The following ADCY8 variants were observed in gnomAD, a reference collection of about 807,000 sequenced individuals.
The protein encoded by ADCY8 is adenylate cyclase 8, also known as adenylate cyclase type 8.
ADCY8 carries 51 observed loss-of-function variants against 119.7 expected under a neutral mutation model. The observed-to-expected ratio is 0.43, with a 90% CI of 0.34 to 0.54. The LOEUF (loss-of-function observed/expected upper bound fraction) is 0.54, where lower values mean the gene tolerates loss of function less well. ADCY8 is among the 20% of genes least tolerant of loss of function. ADCY8 has a pLI of 0.03. For synonymous variants in ADCY8, 665 were observed against 651.0 expected (o/e 1.02, Z -0.33); for missense variants, 1,383 against 1,598.8 (o/e 0.87, Z 2.30).
At chr8:130,871,667 C>A (rs930741311) in intron 8 of ADCY8, among the ~76,000 whole-genome samples, 1 of 152,136 alleles carries the variant, frequency 6.6e-6, no homozygotes, top group East Asian at 1.9e-4. Flanking sequence ...TTCCTCTGTA[C>A]AGTATTGTAC....
At chr8:130,812,276 C>A (rs1816192726) in intron 14 of ADCY8, among the ~76,000 whole-genome samples, 1 of 144,634 alleles carries the variant, frequency 6.9e-6, no homozygotes, top group Non-Finnish European at 1.5e-5. Context: ...TGGAGCTTGA[C>A]CATTAGGCTC....
At chr8:130,848,183 G>T (rs922326942) in intron 10 of ADCY8, among the ~76,000 whole-genome samples, 7 of 152,152 alleles carry the variant, frequency 4.6e-5, no homozygotes, top group African/African-American at 7.2e-5. Context: ...GTGGATCTGA[G>T]ATTTGAACAC....
intron 17 of ADCY8, 72 bp from the exon 18 acceptor site, chr8:130,780,949 G>A: frequency 1.3e-6 from 2 of 1,559,778 alleles, no homozygotes; most frequent in Non-Finnish European, 1.7e-6. Context: ...ACCCCTCCCT[G>A]GGACAGTGAT....
intron 2 of ADCY8, among the ~76,000 whole-genome samples, chr8:130,954,442 T>C (rs1308318292): frequency 6.6e-6 from 1 of 152,172 alleles, no homozygotes; most frequent in African/African-American, 2.4e-5. Context: ...TGACCATTCA[T>C]CAGTATGTTT....
chr8:130,969,459 C>A (rs1363302680), intron 2 of ADCY8, among the ~76,000 whole-genome samples: 2 of 152,134 alleles, frequency 1.3e-5, no homozygotes, highest in African/African-American at 4.8e-5. Context: ...CTCTGTGGAA[C>A]CCTGACTAAT....
intron 1 of ADCY8, among the ~76,000 whole-genome samples, chr8:131,036,337 C>T (rs865918969): frequency 2.8e-4 from 43 of 152,190 alleles, no homozygotes; most frequent in African/African-American, 9.1e-4. Context: ...AAGATGTTTA[C>T]GTGTAAGACT....
intron 7 of ADCY8, among the ~76,000 whole-genome samples, chr8:130,891,634 T>G (rs770014079): frequency 6.6e-6 from 1 of 152,134 alleles, no homozygotes; most frequent in African/African-American, 2.4e-5. Context: ...AGAATGCTTG[T>G]TATGTTTGAA....
chr8:130,962,004 T>C (rs1412753520), intron 2 of ADCY8, among the ~76,000 whole-genome samples: 1 of 152,164 alleles, frequency 6.6e-6, no homozygotes, highest in Non-Finnish European at 1.5e-5. Flanking sequence ...TTAAATAGTC[T>C]TTAAGTGCCA....
Position 130,832,715 on chromosome 8 carries a change from T to A in ADCY8, c.2675+3562A>T, listed in dbSNP as rs540965157. ...CCTGGAGTTATATTTACTTTCATGA[T>A]CTTAGTTAATTTGATTACAAACTCT... On this transcript the variant is annotated intron_variant, in intron 12 of 17. Transcript: ENST00000286355. Among the ~76,000 whole-genome samples the A allele has an allele frequency of 7.2e-5, 11 of 152,308 alleles. No homozygotes were observed. In the East Asian group the frequency reaches 2.1e-3, roughly 29 times the overall value.
At chr8:131,013,641 T>G (rs991276193) in intron 1 of ADCY8, among the ~76,000 whole-genome samples, 10 of 152,130 alleles carry the variant, frequency 6.6e-5, no homozygotes, top group African/African-American at 2.2e-4. Context: ...CCTAAGGAAG[T>G]TTTTGGTGTG....
intron 2 of ADCY8, among the ~76,000 whole-genome samples, chr8:130,967,881 C>T (rs1248863082): frequency 2.0e-5 from 3 of 152,200 alleles, no homozygotes; most frequent in East Asian, 3.8e-4. Context: ...CAAGGCCACA[C>T]TTCACAGACA....
intron 5 of ADCY8, among the ~76,000 whole-genome samples, chr8:130,934,035 G>A (rs1820710286): frequency 6.6e-6 from 1 of 152,186 alleles, no homozygotes; most frequent in Non-Finnish European, 1.5e-5. Context: ...CAGGTGACAT[G>A]TTTATCACTG....
chr8:130,984,221 T>G (rs181708396), intron 2 of ADCY8, among the ~76,000 whole-genome samples: 403 of 151,784 alleles, frequency 2.7e-3, no homozygotes, highest in Non-Finnish European at 4.7e-3. Context: ...GGGCTCCCTG[T>G]GGGGAGGAGA....
At chr8:130,869,939 C>CTCT (rs757467612) in intron 8 of ADCY8, among the ~76,000 whole-genome samples, 26,633 of 145,026 alleles carry the variant, frequency 0.18, 2,529 homozygotes, top group Middle Eastern at 0.26. Flanking sequence ...CCTCCTCCTC[C>CTCT]TCTTCTTCTT....
chr8:130,855,722 C>T (rs1025461831), intron 9 of ADCY8, among the ~76,000 whole-genome samples: 5 of 152,114 alleles, frequency 3.3e-5, no homozygotes, highest in Non-Finnish European at 5.9e-5. Context: ...CCATCTCTCT[C>T]ATCCCCCACA....
intron 11 of ADCY8, 111 bp from the exon 12 acceptor site, chr8:130,836,560 G>T: frequency 8.7e-7 from 1 of 1,152,440 alleles, no homozygotes; most frequent in African/African-American, 1.6e-5. Context: ...CCATTTGGAG[G>T]TCTCAAGGCC....
chr8:130,948,985 C>A (rs923938675), intron 3 of ADCY8, among the ~76,000 whole-genome samples: 1 of 152,182 alleles, frequency 6.6e-6, no homozygotes, highest in African/African-American at 2.4e-5. Context: ...AGCCCGGGAG[C>A]AACAGGGCCG....
intron 10 of ADCY8, 61 bp from the exon 11 acceptor site, chr8:130,847,574 G>A: frequency 7.2e-7 from 1 of 1,389,814 alleles, no homozygotes; most frequent in Non-Finnish European, 1.0e-6. Context: ...AACAAAGTCA[G>A]TGTGAGTGCT....
At chr8:130,935,270 C>CAGCCTAATGTAGTCTGGGGCGGT (rs1277442094) in intron 5 of ADCY8, 4 of 152,220 alleles carry the variant, frequency 2.6e-5, no homozygotes, top group Non-Finnish European at 5.9e-5. Flanking sequence ...CTGGCCAGCC[C>CAGCCTAATGTAGTCTGGGGCGGT]AGCCTAATGT....
Sources: gnomAD v4.1 joint callset for allele counts (sites outside exome capture counted in the v4.1 genomes callset) on GRCh38, gnomAD v4.1.1 for gene constraint, MANE v1.5 for transcripts, NCBI Gene and HGNC (gene_info 2026-07-23, HGNC 2026-07-21) for gene names.